Variants in NEMP2 observed in about 807,000 individuals in gnomAD.
NEMP2 encodes UPF0571 transmembrane protein.
NEMP2 carries 53 observed loss-of-function variants against 54.2 expected under a neutral mutation model. The ratio of observed to expected loss-of-function variants is 0.98; its 90% CI spans 0.78 to 1.23. NEMP2 has a LOEUF of 1.23. Among genes scored for constraint, NEMP2 ranks in the 50% most tolerant of loss-of-function variants. The pLI, the probability that NEMP2 is intolerant of heterozygous loss-of-function variation, is 0.00. For missense variants in NEMP2, 455 were observed against 511.3 expected (o/e 0.89, Z 1.06); for synonymous variants, 197 against 190.3 (o/e 1.04, Z -0.29).
At chr2:190,535,366 C>A (rs899396824), upstream of NEMP2, among the ~76,000 whole-genome samples, 1 of 152,086 alleles carries the variant, frequency 6.6e-6, no homozygotes, top group Non-Finnish European at 1.5e-5. Flanking sequence ...TGACAAGGTT[C>A]TCTTAAAATT....
chr2:190,450,198 T>G, the NEMP2 span, among the ~76,000 whole-genome samples: 1 of 152,134 alleles, frequency 6.6e-6, no homozygotes, highest in Admixed American at 6.5e-5. Flanking sequence ...AAGTCAAAAG[T>G]CTTAACTAAT....
chr2:190,550,486 TC>T, the NEMP2 span, among the ~76,000 whole-genome samples: 1 of 152,212 alleles, frequency 6.6e-6, no homozygotes, highest in Admixed American at 6.5e-5. This position sits in a 1 kb window ranked among gnomAD's most constrained non-coding sequence, Gnocchi z 4.7. Flanking sequence ...ACACAAACAT[TC>T]AAACCATAGC....
chr2:190,612,572 C>T, the NEMP2 span, among the ~76,000 whole-genome samples: 4 of 152,264 alleles, frequency 2.6e-5, no homozygotes, highest in East Asian at 1.9e-4. Context: ...AGGGGCATGG[C>T]TAATTTCATG....
At chr2:190,600,914 C>T in the NEMP2 span, among the ~76,000 whole-genome samples, 95 of 152,274 alleles carry the variant, frequency 6.2e-4, no homozygotes, top group South Asian at 1.5e-3. The surrounding 1 kb of genome is among the most constrained non-coding windows in gnomAD (Gnocchi z 4.9). Context: ...CCAGCCCTGG[C>T]GGCCAGCATC....
the NEMP2 span, among the ~76,000 whole-genome samples, chr2:190,620,106 G>T: frequency 6.6e-6 from 1 of 152,014 alleles, no homozygotes; most frequent in African/African-American, 2.4e-5. The surrounding 1 kb of genome is among the most constrained non-coding windows in gnomAD (Gnocchi z 4.9). Flanking sequence ...ATTTTCCCTG[G>T]GGAACTAAGC....
At chr2:190,646,963 A>G in the NEMP2 span, 1 of 152,226 alleles carries the variant, frequency 6.6e-6, no homozygotes, top group Non-Finnish European at 1.5e-5. Flanking sequence ...GCAAAACATC[A>G]AGATTCCATA....
At chr2:190,596,295 T>C in the NEMP2 span, among the ~76,000 whole-genome samples, 3 of 152,194 alleles carry the variant, frequency 2.0e-5, no homozygotes, top group African/African-American at 7.2e-5. The surrounding 1 kb of genome is among the most constrained non-coding windows in gnomAD (Gnocchi z 5.1). Context: ...AAATACCTAA[T>C]GTAGATGACA....
chr2:190,499,977 T>C (rs140810401), downstream of NEMP2: 2 of 1,610,410 alleles, frequency 1.2e-6, no homozygotes, highest in East Asian at 4.5e-5. The surrounding 1 kb of genome is among the most constrained non-coding windows in gnomAD (Gnocchi z 6.0). Flanking sequence ...TTATTTGCTA[T>C]CACTGATCAT....
At chr2:190,638,563 A>G in the NEMP2 span, among the ~76,000 whole-genome samples, 1 of 152,188 alleles carries the variant, frequency 6.6e-6, no homozygotes, top group Admixed American at 6.5e-5. The surrounding 1 kb of genome is among the most constrained non-coding windows in gnomAD (Gnocchi z 5.7). Context: ...AGAAATGAGC[A>G]TCACTTGAAA....
the NEMP2 span, among the ~76,000 whole-genome samples, chr2:190,472,697 G>C: frequency 6.6e-6 from 1 of 152,284 alleles, no homozygotes; most frequent in East Asian, 1.9e-4. Context: ...CCCCAATCTA[G>C]CAAGGCAGGC....
At chr2:190,613,333 T>C in the NEMP2 span, among the ~76,000 whole-genome samples, 10 of 152,120 alleles carry the variant, frequency 6.6e-5, no homozygotes, top group Non-Finnish European at 1.0e-4. Context: ...AATATTAATG[T>C]TTTATTAAAA....
the NEMP2 span, among the ~76,000 whole-genome samples, chr2:190,557,088 A>G: frequency 6.6e-6 from 1 of 152,350 alleles, no homozygotes; most frequent in Non-Finnish European, 1.5e-5. Flanking sequence ...CTACAAGGCT[A>G]TAGCAATAAA....
chr2:190,434,561 A>G, the NEMP2 span, among the ~76,000 whole-genome samples: 1 of 152,028 alleles, frequency 6.6e-6, no homozygotes, highest in African/African-American at 2.4e-5. This position sits in a 1 kb window ranked among gnomAD's most constrained non-coding sequence, Gnocchi z 4.3. Flanking sequence ...TCAGCTTCCC[A>G]AGTAGCTGGG....
At chr2:190,446,594 G>A in the NEMP2 span, among the ~76,000 whole-genome samples, 60 of 152,324 alleles carry the variant, frequency 3.9e-4, no homozygotes, top group East Asian at 9.8e-3. Context: ...TGGGGGATCA[G>A]AGAGAGGGAG....
At chr2:190,433,122 A>C in the NEMP2 span, among the ~76,000 whole-genome samples, 1 of 151,876 alleles carries the variant, frequency 6.6e-6, no homozygotes, top group Non-Finnish European at 1.5e-5. The surrounding 1 kb of genome is among the most constrained non-coding windows in gnomAD (Gnocchi z 4.5). Flanking sequence ...GTGTGTGTGT[A>C]TGTTTGGGTG....
chr2:190,483,761 G>A, the NEMP2 span, among the ~76,000 whole-genome samples: 12 of 150,736 alleles, frequency 8.0e-5, 2 homozygotes, highest in African/African-American at 2.7e-4. Flanking sequence ...CTTGAACCCA[G>A]GAGGCAGAGG....
In NEMP2 at chr2:190,506,573, A is replaced by C. The variant is rs919196784; in HGVS notation, c.*2616T>G. The C allele has an allele frequency of 6.6e-6, 1 of 152,194 alleles. No individual in the cohort carries two copies. The highest frequency in any genetic ancestry group is 6.5e-5 in the Admixed American group (1 of 15,278). 9.4% of individuals were successfully genotyped at this position (152,194 alleles called of 1,614,324 possible). On this transcript the variant is annotated 3_prime_UTR_variant, in exon 9 of 9. Coordinates refer to ENST00000409150, the MANE Select transcript of NEMP2 (RefSeq NM_001142645.2). This position sits in a 1 kb window ranked among gnomAD's most constrained non-coding sequence, Gnocchi z 6.3. ...GTCATAAATTGAAATATTGTCCTTC[A>C]TGTCAGATGGACATTCCCCTGTAAT...
At chr2:190,632,715 C>T in the NEMP2 span, among the ~76,000 whole-genome samples, 2 of 152,124 alleles carry the variant, frequency 1.3e-5, no homozygotes, top group African/African-American at 4.8e-5. This position sits in a 1 kb window ranked among gnomAD's most constrained non-coding sequence, Gnocchi z 4.8. Flanking sequence ...GATGGGTAAA[C>T]TCTATTCCCA....
chr2:190,454,959 T>TGTATAC, the NEMP2 span, among the ~76,000 whole-genome samples: 1 of 108,304 alleles, frequency 9.2e-6, no homozygotes, highest in African/African-American at 3.0e-5. The surrounding 1 kb of genome is among the most constrained non-coding windows in gnomAD (Gnocchi z 4.6). Context: ...TATATGTATA[T>TGTATAC]GTATATGTAT....
Sources: allele counts gnomAD v4.1 joint callset (sites outside exome capture counted in the v4.1 genomes callset), GRCh38; gene constraint gnomAD v4.1.1; non-coding constraint Gnocchi (gnomAD v3.1); transcripts MANE v1.5; gene names NCBI Gene and HGNC (gene_info 2026-07-23, HGNC 2026-07-21).